The following C5orf22 variants were observed in gnomAD, a reference collection of about 807,000 sequenced individuals.
The protein encoded by C5orf22 is UPF0489 protein C5orf22.
C5orf22 carries 36 observed loss-of-function variants against 48.7 expected under a neutral mutation model. The ratio of observed to expected loss-of-function variants is 0.74; its 90% CI spans 0.57 to 0.98. The LOEUF (loss-of-function observed/expected upper bound fraction) is 0.98. Among genes scored for constraint, C5orf22 ranks in the 50% least tolerant of loss-of-function variants. C5orf22 has a pLI of 0.00. For synonymous variants in C5orf22, 141 were observed against 180.8 expected (o/e 0.78, Z 1.76); for missense variants, 486 against 521.9 (o/e 0.93, Z 0.67).
Position 31,538,406 on chromosome 5 carries a change from C to T in C5orf22, c.524C>T (p.Ser175Phe). Reference sequence around the variant, plus strand: ...AATCAAGAAGAAAACGATGCAGTGTCTTCTGCTAAGAAACCAAAGCTAGCC... The same window carrying T: ...AATCAAGAAGAAAACGATGCAGTGTTTTCTGCTAAGAAACCAAAGCTAGCC... The part of the protein sequence containing the change: ...CNNQEENDAV[S>F]SAKKPKLALE... The change falls in exon 4 of 9, where the codon TCT becomes TTT. Residue 175 changes from serine (S) to phenylalanine (F), a missense_variant. This residue lies in a region of C5orf22 where 408 missense variants were observed against 444.0 expected (regional missense o/e 0.92). Transcript: ENST00000325366. 6.2e-7 allele frequency: 1 copy of T among 1,614,160 alleles called. No individual in the cohort carries two copies. Among genetic ancestry groups the T allele is most frequent in the African/African-American group, 1.3e-5 (1 of 75,042 alleles).
chr5:31,536,481 C>A (rs1177965343), intron 3 of C5orf22, among the ~76,000 whole-genome samples: 1 of 152,132 alleles, frequency 6.6e-6, no homozygotes, highest in Non-Finnish European at 1.5e-5. Flanking sequence ...TGAGATCGTG[C>A]CACTGTACTC....
intron 1 of C5orf22, among the ~76,000 whole-genome samples, chr5:31,533,278 A>T (rs1273317894): frequency 6.6e-6 from 1 of 151,832 alleles, no homozygotes; most frequent in Non-Finnish European, 1.5e-5. Context: ...AAAAAAAAAA[A>T]TTTAACACGG....
chr5:31,544,552 C>G (rs1333854770), intron 6 of C5orf22, among the ~76,000 whole-genome samples: 2 of 151,272 alleles, frequency 1.3e-5, no homozygotes, highest in Non-Finnish European at 2.9e-5. Context: ...CCACTGCACT[C>G]CAGCCTGGGC....
chr5:31,540,907 T>C, intron 4 of C5orf22, 42 bp from the exon 5 acceptor site: 1 of 1,279,254 alleles, frequency 7.8e-7, no homozygotes, highest in Non-Finnish European at 1.1e-6. Flanking sequence ...AAATTTTAAC[T>C]TTTTTTTTTC....
intron 5 of C5orf22, 94 bp downstream of exon 5, chr5:31,541,105 A>T (rs780183714): frequency 4.1e-5 from 28 of 676,190 alleles, no homozygotes; most frequent in Non-Finnish European, 3.9e-5. Flanking sequence ...GACTGCTCAA[A>T]GTGTGTGTGT....
Position 31,535,858 on chromosome 5 carries a change from T to C in C5orf22, c.342T>C (p.Phe114=), listed in dbSNP as rs368024966. 6.2e-7 allele frequency: 1 copy of C among 1,613,592 alleles called. No individual in the cohort carries two copies. The change falls in exon 3 of 9, where the codon TTT becomes TTC. Residue 114 remains phenylalanine, a synonymous_variant. Coordinates refer to ENST00000325366, the MANE Select transcript of C5orf22 (RefSeq NM_018356.3). ...AGATCAGAGAGGGCAGACACCACTT[T>C]TTAGTAGGCAAAGACACTTCTACCA... The part of the protein sequence containing the change: ...AQQIREGRHH[F]LVGKDTSTTT...
chr5:31,532,373 A>G lies in C5orf22; in HGVS notation c.-20A>G. The G allele has an allele frequency of 1.2e-6, 2 of 1,613,894 alleles. No individual in the cohort carries two copies. On this transcript the variant is annotated 5_prime_UTR_variant, in exon 1 of 9. Coordinates refer to ENST00000325366, the MANE Select transcript of C5orf22 (RefSeq NM_018356.3). ...CTCCAGCTGCCACCGCTTTACTGCA[A>G]AACTGACGGGCGCAAAAACATGAGT...
intron 6 of C5orf22, among the ~76,000 whole-genome samples, chr5:31,542,447 C>CT: frequency 1.7e-5 from 2 of 117,950 alleles, no homozygotes; most frequent in East Asian, 2.4e-4. Flanking sequence ...GGAGACTGGA[C>CT]TTTTTCTGAG....
chr5:31,554,268 A>G lies in C5orf22; in HGVS notation c.*1366A>G, dbSNP rs1294850180. The stretch of plus-strand genomic sequence containing the variant: ...CTTGTAACTTTCAGGCCTTACCCAC[A>G]TGTGTTCCTATAGAGTTGCATGTAG... On this transcript the variant is annotated 3_prime_UTR_variant, in exon 9 of 9. Transcript: ENST00000325366. 6.6e-6 allele frequency: 1 copy of G among 152,208 alleles called. No individual in the cohort carries two copies. The highest frequency in any genetic ancestry group is 1.9e-4 in the East Asian group (1 of 5,190). 9.4% of individuals were successfully genotyped at this position (152,208 alleles called of 1,614,324 possible).
At position 31,553,822 on chromosome 5, in the gene C5orf22, TC is replaced by T. The variant is rs1743439031; in HGVS notation, c.*921del. 1 of 152,194 alleles carries T rather than the reference TC, an allele frequency of 6.6e-6. No homozygotes were observed. The highest frequency in any genetic ancestry group is 2.1e-4 in the South Asian group (1 of 4,822). 9.4% of individuals were successfully genotyped at this position (152,194 alleles called of 1,614,324 possible). ...TGCTTTTCTGTTTTTGTTTTGCTGATCAAAAAAGCCCTTCAGGGTCTCTTGT... is the reference window on the plus strand; with the variant it reads ...TGCTTTTCTGTTTTTGTTTTGCTGATAAAAAAGCCCTTCAGGGTCTCTTGT... On this transcript the variant is annotated 3_prime_UTR_variant, in exon 9 of 9. Coordinates refer to ENST00000325366, the MANE Select transcript of C5orf22 (RefSeq NM_018356.3).
chr5:31,533,876 T>C (rs1741896661), intron 1 of C5orf22, among the ~76,000 whole-genome samples: 1 of 152,148 alleles, frequency 6.6e-6, no homozygotes, highest in South Asian at 2.1e-4. Context: ...CTTTCCAGGC[T>C]GGGCAACTGA....
chr5:31,539,029 G>T (rs994732154), intron 4 of C5orf22, among the ~76,000 whole-genome samples: 1 of 152,146 alleles, frequency 6.6e-6, no homozygotes, highest in East Asian at 1.9e-4. Context: ...TCAGCCCTCT[G>T]TATCCGTGGG....
At chr5:31,545,839 A>T in intron 7 of C5orf22, 127 bp downstream of exon 7, 1 of 591,830 alleles carries the variant, frequency 1.7e-6, no homozygotes, top group South Asian at 2.4e-5. Context: ...AACAATTATT[A>T]AGAAAAGAAA....
chr5:31,547,675 A>G (rs191953502), intron 7 of C5orf22, among the ~76,000 whole-genome samples: 3 of 152,314 alleles, frequency 2.0e-5, no homozygotes, highest in Admixed American at 6.5e-5. Flanking sequence ...CCCGAGCTCT[A>G]TGTTGGCCCC....
rs1742251127 is a variant in C5orf22 at position 31,538,464 on chromosome 5, CTG to C, written c.585_586del (p.Cys195Ter). The C allele has an allele frequency of 1.2e-6, 2 of 1,614,090 alleles. No homozygotes were observed. The highest frequency in any genetic ancestry group is 2.7e-5 in the African/African-American group (2 of 74,942). On this transcript the variant is annotated frameshift_variant, in exon 4 of 9. Coordinates refer to ENST00000325366, the MANE Select transcript of C5orf22 (RefSeq NM_018356.3). LOFTEE classifies it high-confidence loss of function. ...ATTCGGAAAACACTGCCTCTACTAA[CTG>C]TGACTCTTCTTCAGAAGGACTGGAA... ...EDSENTASTNCDSSSEGLEKD... is the reference protein window; with the variant it reads ...EDSENTASTNXDSSSEGLEKD...
Position 31,538,382 on chromosome 5 carries a change from A to T in C5orf22, c.500A>T (p.Asn167Ile). ...GTAAAACCTTATAAACTCTGTAACA[A>T]TCAAGAAGAAAACGATGCAGTGTCT... is the stretch of plus-strand genomic sequence containing the variant. The part of the protein sequence containing the change: ...IMVKPYKLCN[N>I]QEENDAVSSA... The change falls in exon 4 of 9, where the codon AAT becomes ATT. Residue 167 changes from asparagine to isoleucine, a missense_variant. Asn to Ile is a moderately radical substitution (Grantham distance 149). Transcript: ENST00000325366. 6.2e-7 allele frequency: 1 copy of T among 1,614,210 alleles called. No homozygotes were observed. Among genetic ancestry groups the T allele is most frequent in the Non-Finnish European group, 8.5e-7 (1 of 1,180,038 alleles).
rs914453701 is a variant in C5orf22 at position 31,553,857 on chromosome 5, G to T, written c.*955G>T. On this transcript the variant is annotated 3_prime_UTR_variant, in exon 9 of 9. Coordinates refer to ENST00000325366, the MANE Select transcript of C5orf22 (RefSeq NM_018356.3). ...CCTTCAGGGTCTCTTGTGCATCCAG[G>T]AGGTCATTGTAGATATCAATAATAT... is the stretch of plus-strand genomic sequence containing the variant. 2 of 152,144 alleles carry T rather than the reference G, an allele frequency of 1.3e-5. No individual in the cohort carries two copies. Among genetic ancestry groups the T allele is most frequent in the Non-Finnish European group, 2.9e-5 (2 of 68,022 alleles). 9.4% of individuals were successfully genotyped at this position (152,144 alleles called of 1,614,324 possible).
chr5:31,540,893 T>TA, intron 4 of C5orf22, 56 bp from the exon 5 acceptor site: 1 of 1,278,410 alleles, frequency 7.8e-7, no homozygotes, highest in Non-Finnish European at 1.1e-6. Context: ...AGCATATCAT[T>TA]AAAAAATTTT....
At chr5:31,547,188 G>C (rs898678746) in intron 7 of C5orf22, among the ~76,000 whole-genome samples, 1 of 152,230 alleles carries the variant, frequency 6.6e-6, no homozygotes, top group East Asian at 1.9e-4. Context: ...CAAAACGATC[G>C]TCTTTGACTC....
Sources: allele counts gnomAD v4.1 joint callset (sites outside exome capture counted in the v4.1 genomes callset), GRCh38; gene constraint gnomAD v4.1.1; regional missense constraint gnomAD v4.1.1; transcripts MANE v1.5; gene names NCBI Gene and HGNC (gene_info 2026-07-23, HGNC 2026-07-21).